The following LYPLAL1 variants were observed in gnomAD, a reference collection of about 807,000 sequenced individuals.
LYPLAL1 encodes the protein lysophospholipase-like protein 1.
Under a neutral mutation model 19.7 loss-of-function variants are expected in LYPLAL1, and 23 were observed. That is an observed-to-expected ratio of 1.17 (90% CI 0.84 to 1.65). The LOEUF is 1.65. LYPLAL1 is among the 40% of genes most tolerant of loss of function. The probability of loss-of-function intolerance (pLI) is 0.00; values close to 1 mark genes in which losing one functional copy is unlikely to be tolerated. For missense variants in LYPLAL1, 355 were observed against 279.4 expected, an observed-to-expected ratio of 1.27 and a Z score of -1.93; for synonymous variants, 119 against 96.3, an observed-to-expected ratio of 1.24 and a Z score of -1.38.
downstream of LYPLAL1, among the ~76,000 whole-genome samples, chr1:219,215,692 T>C (rs1448544524): frequency 6.6e-6 from 1 of 152,122 alleles, no homozygotes; most frequent in Non-Finnish European, 1.5e-5. Context: ...CCACCAGGCT[T>C]TGCATGGATT....
the LYPLAL1 span, among the ~76,000 whole-genome samples, chr1:219,245,510 A>C: frequency 6.6e-5 from 10 of 152,224 alleles, no homozygotes; most frequent in Admixed American, 3.9e-4. Flanking sequence ...AATGAGTTTC[A>C]GATTTAAATG....
At chr1:219,228,237 C>G in the LYPLAL1 span, among the ~76,000 whole-genome samples, 1 of 152,164 alleles carries the variant, frequency 6.6e-6, no homozygotes, top group Non-Finnish European at 1.5e-5. Context: ...CTAAACCAAT[C>G]ACTGATGAGA....
chr1:219,262,254 T>G, the LYPLAL1 span, among the ~76,000 whole-genome samples: 1 of 152,186 alleles, frequency 6.6e-6, no homozygotes, highest in Non-Finnish European at 1.5e-5. Context: ...ATCTATATCC[T>G]GTATTATTTT....
chr1:219,180,268 G>A (rs918767402), intron 2 of LYPLAL1, among the ~76,000 whole-genome samples: 2 of 152,212 alleles, frequency 1.3e-5, no homozygotes, highest in African/African-American at 4.8e-5. Flanking sequence ...TTACAGGCAT[G>A]AGGCACTGCA....
chr1:219,321,144 G>T, the LYPLAL1 span, among the ~76,000 whole-genome samples: 5 of 152,300 alleles, frequency 3.3e-5, no homozygotes, highest in African/African-American at 1.2e-4. Context: ...TAACTGGTGT[G>T]AGATGGTATC....
the LYPLAL1 span, among the ~76,000 whole-genome samples, chr1:219,439,262 T>C: frequency 6.6e-6 from 1 of 152,136 alleles, no homozygotes; most frequent in Non-Finnish European, 1.5e-5. Flanking sequence ...ATGCCTTCCA[T>C]ATACCTCTAT....
the LYPLAL1 span, among the ~76,000 whole-genome samples, chr1:219,429,412 C>T: frequency 2.6e-5 from 4 of 152,172 alleles, no homozygotes; most frequent in African/African-American, 9.7e-5. Context: ...AGTCCCAGCT[C>T]TTTGGGAGGC....
At chr1:219,249,475 T>C in the LYPLAL1 span, among the ~76,000 whole-genome samples, 2 of 152,072 alleles carry the variant, frequency 1.3e-5, no homozygotes, top group Non-Finnish European at 2.9e-5. Flanking sequence ...TGTGTGTGTG[T>C]GTGTTGCTCT....
At chr1:219,371,761 C>T in the LYPLAL1 span, among the ~76,000 whole-genome samples, 11 of 144,138 alleles carry the variant, frequency 7.6e-5, no homozygotes, top group Non-Finnish European at 1.4e-4. Flanking sequence ...ATGTCACTTT[C>T]CTTTGTCTGT....
At chr1:219,328,503 A>G in the LYPLAL1 span, among the ~76,000 whole-genome samples, 1 of 152,094 alleles carries the variant, frequency 6.6e-6, no homozygotes, top group Non-Finnish European at 1.5e-5. Flanking sequence ...TTTCATTAAT[A>G]CTGGCCAGTT....
chr1:219,281,823 A>T, the LYPLAL1 span, among the ~76,000 whole-genome samples: 3 of 152,150 alleles, frequency 2.0e-5, no homozygotes, highest in Non-Finnish European at 2.9e-5. Context: ...CTGAACGGCC[A>T]CTGAAAAATG....
chr1:219,300,016 T>C, the LYPLAL1 span, among the ~76,000 whole-genome samples: 1 of 152,148 alleles, frequency 6.6e-6, no homozygotes, highest in Admixed American at 6.5e-5. Flanking sequence ...TCTCGCTCTG[T>C]CACCCAGGTT....
At chr1:219,346,597 G>T in the LYPLAL1 span, among the ~76,000 whole-genome samples, 1 of 152,076 alleles carries the variant, frequency 6.6e-6, no homozygotes, top group Non-Finnish European at 1.5e-5. Context: ...AAAAGATAGG[G>T]ATACTGGCAG....
At chr1:219,216,014 A>G (rs1296583874), downstream of LYPLAL1, among the ~76,000 whole-genome samples, 1 of 152,154 alleles carries the variant, frequency 6.6e-6, no homozygotes, top group South Asian at 2.1e-4. Flanking sequence ...ATAGCTTTAA[A>G]TTTCCATATG....
chr1:219,419,590 C>CAGAGAGAGAG, the LYPLAL1 span, among the ~76,000 whole-genome samples: 34 of 61,430 alleles, frequency 5.5e-4, no homozygotes, highest in African/African-American at 1.6e-3. Flanking sequence ...CACACACACA[C>CAGAGAGAGAG]ACACAGAGAG....
the LYPLAL1 span, among the ~76,000 whole-genome samples, chr1:219,328,072 CAT>C: frequency 1.3e-5 from 2 of 152,180 alleles, no homozygotes; most frequent in Non-Finnish European, 1.5e-5. Context: ...TTTGCTTACA[CAT>C]GTCATGTTTT....
At chr1:219,361,884 T>C in the LYPLAL1 span, among the ~76,000 whole-genome samples, 2 of 152,170 alleles carry the variant, frequency 1.3e-5, no homozygotes, top group African/African-American at 2.4e-5. Flanking sequence ...TGTCAATTTT[T>C]ATATTTCTGA....
chr1:219,220,351 CTCTTTTTT>C, the LYPLAL1 span, among the ~76,000 whole-genome samples: 464 of 152,206 alleles, frequency 3.0e-3, 5 homozygotes, highest in African/African-American at 0.011. Context: ...AATATCCTGC[CTCTTTTTT>C]ACTAAGCAGC....
intron 2 of LYPLAL1, among the ~76,000 whole-genome samples, chr1:219,181,800 C>T (rs1039025601): frequency 6.6e-6 from 1 of 152,078 alleles, no homozygotes; most frequent in South Asian, 2.1e-4. Flanking sequence ...TTATGCTGGA[C>T]TAATTTTCTA....
Sources: allele counts gnomAD v4.1 joint callset (sites outside exome capture counted in the v4.1 genomes callset), GRCh38; gene constraint gnomAD v4.1.1; transcripts MANE v1.5; gene names NCBI Gene and HGNC (gene_info 2026-07-23, HGNC 2026-07-21).